Variants in TRMT9B observed in about 807,000 individuals in gnomAD.
TRMT9B encodes probable tRNA methyltransferase 9B.
In TRMT9B, 16 loss-of-function variants were observed where a neutral mutation model predicts 11.5. That is an observed-to-expected ratio of 1.39 (90% CI 0.94 to 2.11). TRMT9B has a LOEUF of 2.11. Among genes scored for constraint, TRMT9B ranks in the 30% most tolerant of loss-of-function variants. The pLI is 0.00. For synonymous variants in TRMT9B, 274 were observed against 192.4 expected (o/e 1.42, Z -3.51); for missense variants, 941 against 553.8 (o/e 1.70, Z -7.02).
chr8:12,977,948 G>A (rs1431633090), intron 1 of TRMT9B, among the ~76,000 whole-genome samples: 2 of 152,158 alleles, frequency 1.3e-5, no homozygotes, highest in Non-Finnish European at 2.9e-5. Context: ...AAGACTGCTT[G>A]AGCCTGGGAG....
chr8:12,951,056 C>A (rs1436425486), intron 1 of TRMT9B, among the ~76,000 whole-genome samples: 2 of 152,000 alleles, frequency 1.3e-5, no homozygotes, highest in Non-Finnish European at 2.9e-5. Context: ...ACGTTAGGGA[C>A]CTGGAAGAAA....
chr8:13,006,230 A>C lies in TRMT9B; in HGVS notation c.28A>C (p.Lys10Gln). Residue 10 changes from lysine to glutamine, a missense_variant, in exon 3 of 5, where the codon AAG (lysine) becomes CAG (glutamine). By Grantham distance (53) the Lys-to-Gln change is moderately conservative (BLOSUM62 1). Coordinates refer to ENST00000524591, the MANE Select transcript of TRMT9B (RefSeq NM_020844.3). MDHEAAQLE[K>Q]QHVHNVYEST... is the part of the protein sequence containing the mutation. The stretch of plus-strand genomic sequence containing the variant: ...GGATCATGAAGCCGCCCAGCTGGAG[A>C]AGCAGCATGTGCACAATGTGTACGA... 1.2e-6 allele frequency: 2 copies of C among 1,613,774 alleles called. No individual in the cohort carries two copies. The highest frequency in any genetic ancestry group is 4.5e-5 in the East Asian group (2 of 44,892).
At chr8:13,012,496 AC>A in intron 3 of TRMT9B, 187 bp from the exon 4 acceptor site, 1 of 698,986 alleles carries the variant, frequency 1.4e-6, no homozygotes, top group Admixed American at 3.6e-5. Flanking sequence ...AATTGCTTGA[AC>A]CCGTGAGGCA....
At position 13,022,297 on chromosome 8, in the gene TRMT9B, C is replaced by G. The variant is rs894242406; in HGVS notation, c.*253C>G. 1.3e-5 allele frequency: 5 copies of G among 390,234 alleles called. No homozygotes were observed. The East Asian group carries it at 2.3e-4, about 18-fold the overall frequency. 24.2% of individuals were successfully genotyped at this position (390,234 alleles called of 1,614,324 possible). A position where few individuals can be genotyped will look rare whatever the true frequency, so the allele number is the denominator to read the frequency against. On this transcript the variant is annotated 3_prime_UTR_variant, in exon 5 of 5. Coordinates refer to ENST00000524591, the MANE Select transcript of TRMT9B (RefSeq NM_020844.3). ...ATCTGAAGAAGCAACAGAAAGTACC[C>G]TTCAGTACACCTCAGACTTTTTTTT...
chr8:13,004,924 A>G lies in TRMT9B; in HGVS notation c.-1-1278A>G, dbSNP rs4472518. Among the ~76,000 whole-genome samples the G allele has an allele frequency of 5.7e-3, 864 of 152,136 alleles. 9 individuals are homozygous for G. Among genetic ancestry groups the G allele is most frequent in the African/African-American group, 0.02 (839 of 41,502 alleles). On this transcript the variant is annotated intron_variant, in intron 2 of 4. Transcript: ENST00000524591. The stretch of plus-strand genomic sequence containing the variant: ...AGTGCCAGCTCAGCCACAGTACACT[A>G]GAACACCAAGTAGACTTCTAAGGTT...
intron 4 of TRMT9B, among the ~76,000 whole-genome samples, chr8:13,015,549 T>C (rs751820679): frequency 2.7e-4 from 35 of 131,102 alleles, no homozygotes; most frequent in Non-Finnish European, 3.9e-4. Context: ...AGAGATGGGG[T>C]TGCCATATTG....
intron 2 of TRMT9B, among the ~76,000 whole-genome samples, chr8:13,004,033 T>A (rs1378425755): frequency 6.6e-6 from 1 of 151,812 alleles, no homozygotes; most frequent in Non-Finnish European, 1.5e-5. Context: ...CGTATCGAAC[T>A]CAGTGCTGCC....
intron 1 of TRMT9B, among the ~76,000 whole-genome samples, chr8:12,985,500 T>C (rs1806144283): frequency 6.6e-6 from 1 of 152,204 alleles, no homozygotes. Context: ...CTGTCTATAC[T>C]TTTGTATCCA....
In TRMT9B at chr8:13,021,238, G is replaced by A. The variant is rs755414021; in HGVS notation, c.559G>A (p.Gly187Ser). Residue 187 changes from glycine to serine, a missense_variant, in exon 5 of 5, where the codon GGC becomes AGC. Gly to Ser is a moderately conservative substitution (Grantham distance 56). Coordinates refer to ENST00000524591, the MANE Select transcript of TRMT9B (RefSeq NM_020844.3). ...RKRQCGYPER[G>S]HPYHPPCSEC... The stretch of plus-strand genomic sequence containing the variant: ...GAGGCAGTGTGGATACCCAGAAAGA[G>A]GCCATCCCTACCATCCTCCTTGCTC... The A allele has an allele frequency of 5.0e-6, 8 of 1,613,956 alleles. No homozygotes were observed. In the East Asian group the frequency reaches 1.8e-4, roughly 36 times the overall value.
chr8:13,000,868 G>C (rs576185051), intron 2 of TRMT9B, among the ~76,000 whole-genome samples: 1 of 152,284 alleles, frequency 6.6e-6, no homozygotes, highest in African/African-American at 2.4e-5. Context: ...GAATATTTCA[G>C]GGCTAGAACA....
chr8:13,000,791 T>C (rs1809288070), intron 2 of TRMT9B, among the ~76,000 whole-genome samples: 2 of 152,180 alleles, frequency 1.3e-5, no homozygotes, highest in African/African-American at 4.8e-5. Flanking sequence ...AAAATGTTAA[T>C]TAAAAAAGCA....
chr8:12,990,911 G>A lies in TRMT9B; in HGVS notation c.-122G>A. 7.8e-7 allele frequency: 1 copy of A among 1,289,340 alleles called. No individual in the cohort carries two copies. The highest frequency in any genetic ancestry group is 5.5e-5 in the East Asian group (1 of 18,026). The allele number at this position is 1,289,340 out of a possible 1,614,324, so 79.9% of individuals were successfully genotyped here. ...GCACTATTTCATTTCACTCCTACAAGTTTTCATTTACGTTACACATTGAGA... is the reference window on the plus strand; with the variant it reads ...GCACTATTTCATTTCACTCCTACAAATTTTCATTTACGTTACACATTGAGA... On this transcript the variant is annotated 5_prime_UTR_variant, in exon 2 of 5. Coordinates refer to ENST00000524591, the MANE Select transcript of TRMT9B (RefSeq NM_020844.3).
intron 2 of TRMT9B, among the ~76,000 whole-genome samples, chr8:13,000,644 A>G (rs962693500): frequency 5.9e-5 from 9 of 152,172 alleles, no homozygotes; most frequent in Non-Finnish European, 1.3e-4. Context: ...GCTAGCATTC[A>G]ATTTTGGGGG....
chr8:12,988,028 C>G (rs141460445), intron 1 of TRMT9B, among the ~76,000 whole-genome samples: 89 of 152,304 alleles, frequency 5.8e-4, no homozygotes, highest in Middle Eastern at 6.8e-3. Context: ...AAGTCTGGGA[C>G]CATCTGTATA....
chr8:13,007,292 C>G (rs1252574400), intron 3 of TRMT9B: 1 of 152,104 alleles, frequency 6.6e-6, no homozygotes, highest in Admixed American at 6.5e-5. Flanking sequence ...TTAATAATAA[C>G]TTATTTGTCT....
chr8:13,008,808 A>G (rs1033322343), intron 3 of TRMT9B, among the ~76,000 whole-genome samples: 1 of 152,092 alleles, frequency 6.6e-6, no homozygotes, highest in Non-Finnish European at 1.5e-5. Context: ...GGCTCACTGC[A>G]AGCTCCGCCT....
At chr8:13,019,243 G>C (rs186755137) in intron 4 of TRMT9B, among the ~76,000 whole-genome samples, 4 of 152,318 alleles carry the variant, frequency 2.6e-5, no homozygotes, top group Admixed American at 1.3e-4. Context: ...TTAGGTGCAA[G>C]TTATGGGAGA....
At chr8:12,972,427 G>A (rs1171153859) in intron 1 of TRMT9B, among the ~76,000 whole-genome samples, 1 of 152,198 alleles carries the variant, frequency 6.6e-6, no homozygotes, top group African/African-American at 2.4e-5. Context: ...AAAAGAGCTA[G>A]TCCTGGGAAA....
intron 1 of TRMT9B, among the ~76,000 whole-genome samples, chr8:12,983,410 C>T (rs1270733745): frequency 6.6e-6 from 1 of 152,172 alleles, no homozygotes; most frequent in African/African-American, 2.4e-5. Flanking sequence ...TGGCTCATGC[C>T]TGTAATCCCA....
Sources: allele counts gnomAD v4.1 joint callset (sites outside exome capture counted in the v4.1 genomes callset), GRCh38; gene constraint gnomAD v4.1.1; transcripts MANE v1.5; gene names NCBI Gene and HGNC (gene_info 2026-07-23, HGNC 2026-07-21).